ADGRB3: variants seen among roughly 807,000 people sequenced by gnomAD.
ADGRB3 encodes the protein brain-specific angiogenesis inhibitor 3.
In ADGRB3, 37 loss-of-function variants were observed where a neutral mutation model predicts 193.4. The observed-to-expected ratio is 0.19, with a 90% CI of 0.15 to 0.25. The LOEUF is 0.25. Ranked by LOEUF, ADGRB3 falls within the 10% of genes least tolerant of loss-of-function variation. ADGRB3 has a pLI of 1.00. For missense variants in ADGRB3, 1,637 were observed against 1,852.9 expected (o/e 0.88, Z 2.14); for synonymous variants, 690 against 644.2 (o/e 1.07, Z -1.08).
At chr6:68,780,750 A>C (rs772221088) in intron 3 of ADGRB3, among the ~76,000 whole-genome samples, 10 of 152,110 alleles carry the variant, frequency 6.6e-5, no homozygotes, top group Non-Finnish European at 1.0e-4. Flanking sequence ...AATAGTACAG[A>C]GTTCCCTTGT....
intron 3 of ADGRB3, among the ~76,000 whole-genome samples, chr6:68,893,697 G>T (rs1272695411): frequency 1.3e-5 from 2 of 151,612 alleles, no homozygotes; most frequent in East Asian, 1.9e-4. Context: ...AACCTCAAAG[G>T]TATCAGTTTA....
intron 20 of ADGRB3, among the ~76,000 whole-genome samples, chr6:69,271,938 G>C (rs1204388633): frequency 6.6e-6 from 1 of 151,968 alleles, no homozygotes; most frequent in Admixed American, 6.6e-5. Context: ...AGTGTAGAAA[G>C]GTACCATTTC....
intron 3 of ADGRB3, among the ~76,000 whole-genome samples, chr6:68,649,522 T>C (rs1216547265): frequency 6.6e-6 from 1 of 152,178 alleles, no homozygotes; most frequent in Non-Finnish European, 1.5e-5. Flanking sequence ...TTTTTTGTAC[T>C]ATTTTGTATA....
At chr6:68,931,946 G>GAAGAAA (rs1767349166) in intron 4 of ADGRB3, among the ~76,000 whole-genome samples, 2 of 152,190 alleles carry the variant, frequency 1.3e-5, no homozygotes, top group African/African-American at 4.8e-5. Context: ...TCTTGTTTAA[G>GAAGAAA]AAAAATTGAT....
intron 3 of ADGRB3, among the ~76,000 whole-genome samples, chr6:68,675,240 A>G (rs1438726213): frequency 2.0e-5 from 3 of 152,184 alleles, no homozygotes; most frequent in Admixed American, 6.5e-5. Flanking sequence ...CCAGGTTTGC[A>G]TATTGCTTAC....
rs187482313 is a variant in ADGRB3 at position 69,164,156 on chromosome 6, A to G, written c.2481-69134A>G. ...TCGCATAACTGCTCTTCTGATCATA[A>G]CTACTTGTCTACATGTATATTTGTC... On this transcript the variant is annotated intron_variant, in intron 17 of 31. Transcript: ENST00000370598. Among the ~76,000 whole-genome samples, 296 of 152,156 alleles carry G rather than the reference A, an allele frequency of 1.9e-3. 2 individuals carry two copies. Among genetic ancestry groups the G allele is most frequent in the African/African-American group, 6.6e-3 (273 of 41,522 alleles).
chr6:69,107,140 A>C (rs1447553268), intron 17 of ADGRB3, among the ~76,000 whole-genome samples: 1 of 152,248 alleles, frequency 6.6e-6, no homozygotes, highest in African/African-American at 2.4e-5. Flanking sequence ...AATAGCCACT[A>C]TGACTAATCT....
At position 68,831,784 on chromosome 6, in the gene ADGRB3, G is replaced by A. The variant is rs116521104; in HGVS notation, c.758-98775G>A. On this transcript the variant is annotated intron_variant, in intron 3 of 31. Transcript: ENST00000370598. ...ATGAGAAATAAGTTGTGCCCCCAAA[G>A]TTTGGGAACATAGTTATATCTTGAA... 4.0e-3 allele frequency among the ~76,000 whole-genome samples: 602 copies of A among 152,294 alleles called. 5 individuals are homozygous for A. Among genetic ancestry groups the A allele is most frequent in the African/African-American group, 0.013 (533 of 41,566 alleles).
chr6:69,059,040 G>C (rs1771635565), intron 15 of ADGRB3, among the ~76,000 whole-genome samples: 1 of 151,770 alleles, frequency 6.6e-6, no homozygotes, highest in Admixed American at 6.6e-5. Context: ...AATCTGTCTA[G>C]TTATTAAAAA....
chr6:69,022,504 A>G (rs1163941054), intron 13 of ADGRB3, among the ~76,000 whole-genome samples: 1 of 151,850 alleles, frequency 6.6e-6, no homozygotes, highest in Non-Finnish European at 1.5e-5. Flanking sequence ...GGACCTTGCA[A>G]TCCTATTTCT....
At chr6:69,033,687 A>G (rs1487896179) in intron 13 of ADGRB3, among the ~76,000 whole-genome samples, 1 of 152,122 alleles carries the variant, frequency 6.6e-6, no homozygotes, top group Admixed American at 6.6e-5. Flanking sequence ...TTGTGTGTTT[A>G]TCTTCTAAAA....
chr6:69,325,051 T>C, intron 21 of ADGRB3, 29 bp downstream of exon 21: 1 of 1,595,294 alleles, frequency 6.3e-7, no homozygotes, highest in Non-Finnish European at 8.5e-7. Context: ...CGTTTCATGC[T>C]CTTCTCAAAA....
At chr6:69,163,776 C>G (rs1054029815) in intron 17 of ADGRB3, among the ~76,000 whole-genome samples, 1 of 152,120 alleles carries the variant, frequency 6.6e-6, no homozygotes, top group African/African-American at 2.4e-5. Context: ...ATACTTCATA[C>G]AGAATTATCT....
intron 17 of ADGRB3, among the ~76,000 whole-genome samples, chr6:69,179,357 A>G (rs566252856): frequency 6.6e-6 from 1 of 152,228 alleles, no homozygotes; most frequent in Admixed American, 6.5e-5. Flanking sequence ...TTTCTTTTTA[A>G]GGTGTGTATC....
intron 3 of ADGRB3, among the ~76,000 whole-genome samples, chr6:68,823,669 T>G (rs1001452875): frequency 4.6e-5 from 7 of 152,086 alleles, no homozygotes; most frequent in African/African-American, 1.4e-4. Context: ...AAATGACTCA[T>G]GCATGATATA....
At chr6:69,185,484 A>G (rs867976396) in intron 17 of ADGRB3, among the ~76,000 whole-genome samples, 1 of 152,192 alleles carries the variant, frequency 6.6e-6, no homozygotes, top group East Asian at 1.9e-4. Context: ...AGAACAGAAC[A>G]TGGCGTATTG....
intron 3 of ADGRB3, among the ~76,000 whole-genome samples, chr6:68,769,404 T>G (rs181371724): frequency 6.6e-6 from 1 of 152,198 alleles, no homozygotes; most frequent in East Asian, 1.9e-4. Flanking sequence ...TGGATGAAGC[T>G]GGAAACCATC....
intron 17 of ADGRB3, among the ~76,000 whole-genome samples, chr6:69,092,924 G>A (rs62406770): frequency 0.14 from 20,576 of 152,100 alleles, 1,578 homozygotes; most frequent in Middle Eastern, 0.3. Flanking sequence ...CCAATGTTTG[G>A]TGGAGAGGGG....
intron 3 of ADGRB3, among the ~76,000 whole-genome samples, chr6:68,722,761 A>T (rs946314688): frequency 6.6e-6 from 1 of 151,618 alleles, no homozygotes; most frequent in African/African-American, 2.4e-5. Context: ...ATGTGTGAAG[A>T]CCCAAATAGA....
Sources: gnomAD v4.1 joint callset for allele counts (sites outside exome capture counted in the v4.1 genomes callset) on GRCh38, gnomAD v4.1.1 for gene constraint, MANE v1.5 for transcripts, NCBI Gene and HGNC (gene_info 2026-07-23, HGNC 2026-07-21) for gene names.